The following SOAT2 variants were observed in gnomAD, a reference collection of about 807,000 sequenced individuals.
SOAT2 encodes sterol O-acyltransferase 2.
SOAT2 carries 87 observed loss-of-function variants against 76.0 expected under a neutral mutation model. The ratio of observed to expected loss-of-function variants is 1.14; its 90% CI spans 0.96 to 1.37. SOAT2 has a LOEUF of 1.37. SOAT2 is among the 40% of genes most tolerant of loss of function. SOAT2 has a pLI of 0.00. For synonymous variants in SOAT2, 285 were observed against 275.4 expected (o/e 1.03, Z -0.34); for missense variants, 686 against 682.1 (o/e 1.01, Z -0.06).
At position 53,119,231 on chromosome 12, in the gene SOAT2, T is replaced by C; in HGVS notation, c.1017T>C (p.Ser339=). ...EPFSTRALVL[S]ILHATLPGIF... Reference sequence around the variant, plus strand: ...TCAGCACCCGTGCCCTGGTGCTCTCTATCCTGCATGCCACGTTGCCAGGTG... The same window carrying C: ...TCAGCACCCGTGCCCTGGTGCTCTCCATCCTGCATGCCACGTTGCCAGGTG... Residue 339 remains serine (S), a synonymous_variant, in exon 10 of 15, where the codon TCT becomes TCC. Coordinates refer to ENST00000301466, the MANE Select transcript of SOAT2 (RefSeq NM_003578.4). The C allele has an allele frequency of 4.3e-6, 7 of 1,613,940 alleles. No individual in the cohort carries two copies. Among genetic ancestry groups the C allele is most frequent in the Non-Finnish European group, 5.9e-6 (7 of 1,179,940 alleles).
In SOAT2 at chr12:53,116,247, A is replaced by G; in HGVS notation, c.778+81A>G. ...AGCCAGCAGGTGCAGGATCCTGATAAAAGTCCCTGCCTTCCTAAGCCCGGG... is the reference window on the plus strand; with the variant it reads ...AGCCAGCAGGTGCAGGATCCTGATAGAAGTCCCTGCCTTCCTAAGCCCGGG... On this transcript the variant is annotated intron_variant, in intron 7 of 14. Coordinates refer to ENST00000301466, the MANE Select transcript of SOAT2 (RefSeq NM_003578.4). 3 of 1,321,702 alleles carry G rather than the reference A, an allele frequency of 2.3e-6. No individual in the cohort carries two copies. The Admixed American group carries it at 5.2e-5, about 23-fold the overall frequency. The allele number at this position is 1,321,702 out of a possible 1,614,324, so 81.9% of individuals were successfully genotyped here. A position where few individuals can be genotyped will look rare whatever the true frequency, so the allele number is the denominator to read the frequency against.
At chr12:53,117,420 G>A (rs908327115) in intron 7 of SOAT2, among the ~76,000 whole-genome samples, 2 of 151,808 alleles carry the variant, frequency 1.3e-5, no homozygotes, top group Non-Finnish European at 2.9e-5. Context: ...TTTCAATATC[G>A]TTGTATCTCA....
chr12:53,106,012 C>A lies in SOAT2; in HGVS notation c.441C>A (p.Gly147=). Reference sequence around the variant, plus strand: ...TGGCCATCGACTTCATTGATGAGGGCAGGTAGGTCCCCTTCCCACCTGGGA... The same window carrying A: ...TGGCCATCGACTTCATTGATGAGGGAAGGTAGGTCCCCTTCCCACCTGGGA... ...STLAIDFIDE[G]RLLLEFDLLI... The change falls in exon 5 of 15, where the codon GGC becomes GGA. Residue 147 remains glycine (G), a splice_region_variant and synonymous_variant. Transcript: ENST00000301466. 1 of 1,610,190 alleles carries A rather than the reference C, an allele frequency of 6.2e-7. No homozygotes were observed. Among genetic ancestry groups the A allele is most frequent in the Non-Finnish European group, 8.5e-7 (1 of 1,176,648 alleles).
Position 53,115,524 on chromosome 12 carries a change from G to A in SOAT2, c.578G>A (p.Trp193Ter). 6.2e-7 allele frequency: 1 copy of A among 1,604,976 alleles called. No homozygotes were observed. Among genetic ancestry groups the A allele is most frequent in the Non-Finnish European group, 8.5e-7 (1 of 1,178,874 alleles). ...QALRLWARGT[W>*]TQATGLGCAL... ...CTACGGCTGTGGGCCAGGGGCACCT[G>A]GACGCAGGCGACGGGCCTGGGCTGT... Residue 193 changes from tryptophan to a stop codon, truncating the protein, a stop_gained, in exon 6 of 15, where the codon TGG (tryptophan) becomes TAG (stop). Transcript: ENST00000301466. LOFTEE classifies it high-confidence loss of function.
intron 5 of SOAT2, among the ~76,000 whole-genome samples, chr12:53,106,748 A>G (rs534087027): frequency 2.0e-5 from 3 of 152,366 alleles, no homozygotes; most frequent in East Asian, 3.9e-4. Context: ...TAAGCTCTAC[A>G]TCTATGTGTA....
chr12:53,120,293 C>T (rs1336293138), intron 10 of SOAT2, among the ~76,000 whole-genome samples: 2 of 152,072 alleles, frequency 1.3e-5, no homozygotes. Flanking sequence ...CACGGTGAAA[C>T]CCCATCTCTA....
intron 5 of SOAT2, among the ~76,000 whole-genome samples, chr12:53,109,799 G>A (rs1937986485): frequency 6.6e-6 from 1 of 151,068 alleles, no homozygotes; most frequent in Admixed American, 6.6e-5. Context: ...TTAAACCTAA[G>A]TCTTAATAAA....
Position 53,120,880 on chromosome 12 carries a change from C to T in SOAT2, c.1134C>T (p.Tyr378=). 6.2e-7 allele frequency: 1 copy of T among 1,613,296 alleles called. No individual in the cohort carries two copies. The highest frequency in any genetic ancestry group is 1.3e-5 in the African/African-American group (1 of 75,008). Residue 378 remains tyrosine (Y), a synonymous_variant, in exon 11 of 15, where the codon TAC becomes TAT. Coordinates refer to ENST00000301466, the MANE Select transcript of SOAT2 (RefSeq NM_003578.4). The stretch of plus-strand genomic sequence containing the variant: ...TACGATTTGGAGACAGGATGTTCTA[C>T]CGGGTGGGGCCTGGACCTAGGCCAG... ...EMLRFGDRMF[Y]RDWWNSTSFS... is the part of the protein sequence containing the mutation.
chr12:53,123,728 G>T lies in SOAT2; in HGVS notation c.1373G>T (p.Gly458Val). 6.2e-7 allele frequency: 1 copy of T among 1,614,164 alleles called. No homozygotes were observed. The highest frequency in any genetic ancestry group is 2.2e-5 in the East Asian group (1 of 44,890). Residue 458 changes from glycine (G) to valine (V), a missense_variant and splice_region_variant, in exon 14 of 15, where the codon GGA (glycine) becomes GTA (valine). Coordinates refer to ENST00000301466, the MANE Select transcript of SOAT2 (RefSeq NM_003578.4). ...ATGACAACCTTTCCTCCTGCACCAG[G>T]AATGTTGAACTTCATGATGCATGAC... is the stretch of plus-strand genomic sequence containing the variant. ...VMLILFLVIGGMLNFMMHDQR... is the reference protein window; with the variant it reads ...VMLILFLVIGVMLNFMMHDQR...
rs918093989 is a variant in SOAT2 at position 53,105,480 on chromosome 12, C to T, written c.276-81C>T. ...GACCTTTCCCTACCACTCCCCTTGGCTCCCAAGTATTGACCTTCTGCATGG... is the reference window on the plus strand; with the variant it reads ...GACCTTTCCCTACCACTCCCCTTGGTTCCCAAGTATTGACCTTCTGCATGG... On this transcript the variant is annotated intron_variant, in intron 3 of 14. Coordinates refer to ENST00000301466, the MANE Select transcript of SOAT2 (RefSeq NM_003578.4). 73 of 1,410,174 alleles carry T rather than the reference C, an allele frequency of 5.2e-5. No homozygotes were observed. The Admixed American group carries it at 1.4e-3, about 26-fold the overall frequency. The allele number at this position is 1,410,174 out of a possible 1,614,324, so 87.4% of individuals were successfully genotyped here.
At position 53,123,193 on chromosome 12, in the gene SOAT2, T is replaced by C. The variant is rs1317082577; in HGVS notation, c.1349T>C (p.Leu450Pro). The C allele has an allele frequency of 4.3e-6, 7 of 1,613,940 alleles. No individual in the cohort carries two copies. Among genetic ancestry groups the C allele is most frequent in the Non-Finnish European group, 5.9e-6 (7 of 1,179,966 alleles). ...FVLGFFYPVM[L>P]ILFLVIGGML... is the part of the protein sequence containing the mutation. ...CTGGGGTTCTTCTATCCCGTCATGC[T>C]GATACTCTTCCTTGTCATTGGAGGT... The change falls in exon 13 of 15, where the codon CTG (leucine) becomes CCG (proline). Residue 450 changes from leucine to proline, a missense_variant. Physicochemically the swap from Leu to Pro is moderately conservative, Grantham distance 98 (BLOSUM62 -3). Transcript: ENST00000301466.
Position 53,115,717 on chromosome 12 carries a change from G to A in SOAT2, c.708+63G>A, listed in dbSNP as rs935936903. 34 of 1,445,190 alleles carry A rather than the reference G, an allele frequency of 2.4e-5. No homozygotes were observed. The East Asian group carries it at 8.3e-4, about 35-fold the overall frequency. 89.5% of individuals were successfully genotyped at this position (1,445,190 alleles called of 1,614,324 possible). ...AGCTGGTGGGGCCATCTCAGCAGAG[G>A]GGGAGTCCCCCAAAGAGGGGGCGGG... On this transcript the variant is annotated intron_variant, in intron 6 of 14. Transcript: ENST00000301466.
chr12:53,103,534 G>A lies in SOAT2; in HGVS notation c.-44G>A. 4.6e-6 allele frequency: 7 copies of A among 1,514,108 alleles called. No homozygotes were observed. The highest frequency in any genetic ancestry group is 6.2e-6 in the Non-Finnish European group (7 of 1,121,882). 93.8% of individuals were successfully genotyped at this position (1,514,108 alleles called of 1,614,324 possible). On this transcript the variant is annotated 5_prime_UTR_variant, in exon 1 of 15. Coordinates refer to ENST00000301466, the MANE Select transcript of SOAT2 (RefSeq NM_003578.4). ...GCAGGCCACACTGCGAAGGAAGGAG[G>A]CAACACGGGCAAGGGCTGCCTGCTG... is the stretch of plus-strand genomic sequence containing the variant.
intron 8 of SOAT2, 133 bp from the exon 9 acceptor site, chr12:53,118,757 A>G: frequency 1.1e-6 from 1 of 950,810 alleles, no homozygotes; most frequent in Non-Finnish European, 1.7e-6. Flanking sequence ...CCTAGACCCC[A>G]CCACCCTAGA....
intron 14 of SOAT2, 89 bp downstream of exon 14, chr12:53,123,962 C>CTG: frequency 6.2e-7 from 1 of 1,603,420 alleles, no homozygotes; most frequent in South Asian, 1.1e-5. Context: ...ACTCACCGGC[C>CTG]ACAGTCAGGC....
intron 5 of SOAT2, among the ~76,000 whole-genome samples, chr12:53,112,858 G>A (rs1938045688): frequency 7.0e-6 from 1 of 142,262 alleles, no homozygotes; most frequent in Admixed American, 7.4e-5. Context: ...TCAGCTCACT[G>A]CAACCTCTGC....
chr12:53,120,031 T>G (rs986307872), intron 10 of SOAT2, among the ~76,000 whole-genome samples: 1 of 152,236 alleles, frequency 6.6e-6, no homozygotes. Flanking sequence ...CATGAACAAA[T>G]GGATGAATAA....
At chr12:53,103,700 G>A (rs553651149) in intron 1 of SOAT2, 41 bp downstream of exon 1, 125 of 1,424,552 alleles carry the variant, frequency 8.8e-5, no homozygotes, top group Admixed American at 5.6e-4. Flanking sequence ...AGGCAAGTGG[G>A]GGGGAGGCGG....
Position 53,116,094 on chromosome 12 carries a change from C to T in SOAT2, c.709-3C>T. 1 of 1,613,962 alleles carries T rather than the reference C, an allele frequency of 6.2e-7. No homozygotes were observed. The highest frequency in any genetic ancestry group is 1.1e-5 in the South Asian group (1 of 91,076). Reference sequence around the variant, plus strand: ...CTTTTCCTCCCCTTCCATTCTGCCACAGGTTAGGTTCCTGATGAAAAGCTA... The same window carrying T: ...CTTTTCCTCCCCTTCCATTCTGCCATAGGTTAGGTTCCTGATGAAAAGCTA... On this transcript the variant is annotated splice_region_variant and splice_polypyrimidine_tract_variant and intron_variant, in intron 6 of 14. Transcript: ENST00000301466.
Sources: allele counts gnomAD v4.1 joint callset (sites outside exome capture counted in the v4.1 genomes callset), GRCh38; gene constraint gnomAD v4.1.1; transcripts MANE v1.5; gene names NCBI Gene and HGNC (gene_info 2026-07-23, HGNC 2026-07-21).